TCP11L2: variants seen among roughly 807,000 people sequenced by gnomAD.
TCP11L2 encodes t-complex 11 like 2.
TCP11L2 carries 39 observed loss-of-function variants against 50.7 expected under a neutral mutation model. The ratio of observed to expected loss-of-function variants is 0.77; its 90% CI spans 0.60 to 1.01. The LOEUF (loss-of-function observed/expected upper bound fraction) is 1.01. Among genes scored for constraint, TCP11L2 ranks in the 50% least tolerant of loss-of-function variants. TCP11L2 has a pLI of 0.00. For missense variants in TCP11L2, 612 were observed against 614.7 expected (o/e 1.00, Z 0.05); for synonymous variants, 192 against 219.3 (o/e 0.88, Z 1.10).
intron 1 of TCP11L2, 56 bp from the exon 2 acceptor site, chr12:106,310,985 G>A: frequency 2.1e-6 from 3 of 1,445,354 alleles, no homozygotes; most frequent in Non-Finnish European, 2.8e-6. Flanking sequence ...AGAAGCATTG[G>A]TGGTGCCTGT....
At position 106,335,829 on chromosome 12, in the gene TCP11L2, G is replaced by A. The variant is rs373794983; in HGVS notation, c.960+3G>A. 8.7e-6 allele frequency: 14 copies of A among 1,611,420 alleles called. No individual in the cohort carries two copies. The African/African-American group carries it at 1.2e-4, about 14-fold the overall frequency. ...ATCAGAAAAAAGAATTACCAGAGGTGAGTGGTTTTGTTCTTCACCCAAATT... is the reference window on the plus strand; with the variant it reads ...ATCAGAAAAAAGAATTACCAGAGGTAAGTGGTTTTGTTCTTCACCCAAATT... On this transcript the variant is annotated splice_donor_region_variant and intron_variant, in intron 7 of 9. Transcript: ENST00000299045.
At chr12:106,305,876 A>G (rs1238153242) in intron 1 of TCP11L2, among the ~76,000 whole-genome samples, 1 of 152,186 alleles carries the variant, frequency 6.6e-6, no homozygotes, top group East Asian at 1.9e-4. Context: ...AAAGAAGATC[A>G]TGAAGGGTTA....
intron 6 of TCP11L2, chr12:106,329,592 A>G (rs1190993402): frequency 8.8e-6 from 12 of 1,369,652 alleles, no homozygotes; most frequent in Non-Finnish European, 1.1e-5. Context: ...AGCTGTGCCC[A>G]TGAACTCTTT....
At chr12:106,316,603 T>TC (rs1231635441) in intron 3 of TCP11L2, among the ~76,000 whole-genome samples, 1 of 152,206 alleles carries the variant, frequency 6.6e-6, no homozygotes, top group Admixed American at 6.5e-5. Context: ...AGAGGCTTTT[T>TC]CCCACCATCC....
chr12:106,321,657 A>G lies in TCP11L2; in HGVS notation c.586A>G (p.Asn196Asp), dbSNP rs764165615. ...MGKLCAPVRD[N>D]DIRELKATGN... Reference sequence around the variant, plus strand: ...AAAGCTGTGTGCTCCCGTGCGAGATAATGATATCAGAGAGTTAAAGGCTAC... The same window carrying G: ...AAAGCTGTGTGCTCCCGTGCGAGATGATGATATCAGAGAGTTAAAGGCTAC... The change falls in exon 5 of 10, where the codon AAT becomes GAT. Residue 196 changes from asparagine (N) to aspartate (D), a missense_variant. Asn to Asp is a conservative substitution (Grantham distance 23). Coordinates refer to ENST00000299045, the MANE Select transcript of TCP11L2 (RefSeq NM_152772.3). 1 of 1,614,156 alleles carries G rather than the reference A, an allele frequency of 6.2e-7. No homozygotes were observed. The highest frequency in any genetic ancestry group is 1.1e-5 in the South Asian group (1 of 91,080).
chr12:106,302,261 CACTGG>C, upstream of TCP11L2, among the ~76,000 whole-genome samples: 1 of 151,968 alleles, frequency 6.6e-6, no homozygotes, highest in South Asian at 2.1e-4. Context: ...TCCGGCACTC[CACTGG>C]AGGCTTGGCC....
chr12:106,336,332 T>G (rs2136800780), intron 8 of TCP11L2, 119 bp downstream of exon 8: 1 of 895,082 alleles, frequency 1.1e-6, no homozygotes, highest in South Asian at 2.2e-5. Flanking sequence ...TTAGAGAAGC[T>G]TATCTTACAC....
intron 6 of TCP11L2, chr12:106,329,698 G>A: frequency 9.0e-7 from 1 of 1,114,214 alleles, no homozygotes; most frequent in Non-Finnish European, 1.1e-6. Flanking sequence ...AACTAAATGG[G>A]CTCTTAAATG....
intron 3 of TCP11L2, among the ~76,000 whole-genome samples, chr12:106,317,985 A>G (rs1430360473): frequency 6.6e-6 from 1 of 152,224 alleles, no homozygotes; most frequent in Non-Finnish European, 1.5e-5. Context: ...GGTGAGGAAG[A>G]GCAACTTTGC....
intron 6 of TCP11L2, among the ~76,000 whole-genome samples, chr12:106,328,199 G>A (rs1452601568): frequency 6.6e-6 from 1 of 152,228 alleles, no homozygotes; most frequent in Admixed American, 6.5e-5. Flanking sequence ...TTTTAAAGAA[G>A]AGCAAACTGA....
At chr12:106,328,057 T>G (rs1405319366) in intron 6 of TCP11L2, among the ~76,000 whole-genome samples, 1 of 152,252 alleles carries the variant, frequency 6.6e-6, no homozygotes. Flanking sequence ...TCAAATGTTT[T>G]CATGAACTTT....
Position 106,321,668 on chromosome 12 carries a change from A to T in TCP11L2, c.597A>T (p.Arg199Ser), listed in dbSNP as rs2035342926. ...LCAPVRDNDI[R>S]ELKATGNIVE... ...CTCCCGTGCGAGATAATGATATCAG[A>T]GAGTTAAAGGCTACTGGCAACATCG... Residue 199 changes from arginine to serine, a missense_variant, in exon 5 of 10, where the codon AGA becomes AGT. Arg to Ser is a moderately radical substitution (Grantham distance 110). Coordinates refer to ENST00000299045, the MANE Select transcript of TCP11L2 (RefSeq NM_152772.3). 1 of 1,614,078 alleles carries T rather than the reference A, an allele frequency of 6.2e-7. No homozygotes were observed. Among genetic ancestry groups the T allele is most frequent in the Admixed American group, 1.7e-5 (1 of 60,000 alleles).
chr12:106,329,533 C>A, intron 6 of TCP11L2: 1 of 1,452,344 alleles, frequency 6.9e-7, no homozygotes, highest in Non-Finnish European at 9.0e-7. Context: ...GGCGTTTAAA[C>A]ACAGAGGCCT....
At chr12:106,305,135 A>G (rs187982178) in intron 1 of TCP11L2, among the ~76,000 whole-genome samples, 1 of 152,304 alleles carries the variant, frequency 6.6e-6, no homozygotes, top group Non-Finnish European at 1.5e-5. Context: ...TTGTGCCTCT[A>G]CACTGCTGTG....
At chr12:106,315,005 CAAAA>C (rs11450523) in intron 3 of TCP11L2, among the ~76,000 whole-genome samples, 1 of 126,040 alleles carries the variant, frequency 7.9e-6, no homozygotes, top group Non-Finnish European at 1.6e-5. Flanking sequence ...GACCCTGTCT[CAAAA>C]AAAAAAAAAA....
chr12:106,299,611 G>A (rs1047413879), upstream of TCP11L2, among the ~76,000 whole-genome samples: 7 of 152,176 alleles, frequency 4.6e-5, no homozygotes, highest in Admixed American at 4.6e-4. Context: ...GAAGCCAGCC[G>A]TGGGAAAGAA....
intron 6 of TCP11L2, chr12:106,329,470 CCTT>C (rs1292297508): frequency 2.6e-6 from 4 of 1,521,742 alleles, no homozygotes; most frequent in Non-Finnish European, 3.5e-6. Flanking sequence ...AACGCATGCT[CCTT>C]CTGCTTTACC....
At chr12:106,321,446 C>A in intron 4 of TCP11L2, 40 bp from the exon 5 acceptor site, 1 of 1,523,210 alleles carries the variant, frequency 6.6e-7, no homozygotes, top group South Asian at 1.2e-5. Flanking sequence ...AGCTTTTATT[C>A]ACATCATGAT....
At chr12:106,321,437 G>A in intron 4 of TCP11L2, 49 bp from the exon 5 acceptor site, 1 of 1,494,008 alleles carries the variant, frequency 6.7e-7, no homozygotes, top group South Asian at 1.2e-5. Flanking sequence ...AAAAGTGACA[G>A]CTTTTATTCA....
Sources: gnomAD v4.1 joint callset for allele counts (sites outside exome capture counted in the v4.1 genomes callset) on GRCh38, gnomAD v4.1.1 for gene constraint, MANE v1.5 for transcripts, NCBI Gene and HGNC (gene_info 2026-07-23, HGNC 2026-07-21) for gene names.